SLC5A4: variants seen among roughly 807,000 people sequenced by gnomAD.
SLC5A4 encodes probable glucose sensor protein SLC5A4.
In SLC5A4, 55 loss-of-function variants were observed where a neutral mutation model predicts 70.3. The observed-to-expected ratio is 0.78, with a 90% CI of 0.63 to 0.98. The LOEUF is 0.98. Among genes scored for constraint, SLC5A4 ranks in the 50% least tolerant of loss-of-function variants. SLC5A4 has a pLI of 0.00. For synonymous variants in SLC5A4, 268 were observed against 305.7 expected, an observed-to-expected ratio of 0.88 and a Z score of 1.29; for missense variants, 735 against 839.2, an observed-to-expected ratio of 0.88 and a Z score of 1.53.
At chr22:32,338,805 G>A in the SLC5A4 span, among the ~76,000 whole-genome samples, 31,653 of 152,026 alleles carry the variant, frequency 0.21, 3,732 homozygotes, top group East Asian at 0.48. Flanking sequence ...CCATAAAACT[G>A]TCACCCCCTT....
chr22:32,309,251 G>A, the SLC5A4 span, among the ~76,000 whole-genome samples: 16 of 152,306 alleles, frequency 1.1e-4, no homozygotes, highest in East Asian at 2.3e-3. Context: ...GAGAGGGAAA[G>A]CATAAAACTG....
the SLC5A4 span, among the ~76,000 whole-genome samples, chr22:32,284,514 T>C: frequency 6.6e-6 from 1 of 152,282 alleles, no homozygotes; most frequent in Admixed American, 6.5e-5. Context: ...GGAGCTCAGC[T>C]GGGCCTATCA....
chr22:32,251,221 A>G (rs1398608413), intron 3 of SLC5A4, among the ~76,000 whole-genome samples: 1 of 149,022 alleles, frequency 6.7e-6, no homozygotes, highest in African/African-American at 2.5e-5. Context: ...AAAACCTGGG[A>G]TATGACTTCC....
At chr22:32,319,346 C>T in the SLC5A4 span, among the ~76,000 whole-genome samples, 1 of 151,878 alleles carries the variant, frequency 6.6e-6, no homozygotes, top group Non-Finnish European at 1.5e-5. Flanking sequence ...GGAACTCACA[C>T]CATCAGCTCT....
chr22:32,329,442 T>C, the SLC5A4 span, among the ~76,000 whole-genome samples: 1 of 151,872 alleles, frequency 6.6e-6, no homozygotes. Flanking sequence ...ATTTTTACTT[T>C]GTCTTTAGCA....
the SLC5A4 span, among the ~76,000 whole-genome samples, chr22:32,302,117 A>G: frequency 6.6e-6 from 1 of 152,214 alleles, no homozygotes; most frequent in Non-Finnish European, 1.5e-5. Flanking sequence ...AAGCAACAAT[A>G]TAAAAAATAG....
the SLC5A4 span, among the ~76,000 whole-genome samples, chr22:32,304,937 C>T: frequency 6.6e-6 from 1 of 151,826 alleles, no homozygotes; most frequent in African/African-American, 2.4e-5. Context: ...CGTATTTTTC[C>T]ACGTGAATGT....
At chr22:32,239,565 T>A (rs1569374939) in intron 5 of SLC5A4, among the ~76,000 whole-genome samples, 3 of 21,176 alleles carry the variant, frequency 1.4e-4, no homozygotes, top group African/African-American at 2.6e-4. Flanking sequence ...TATATATATA[T>A]ATATTTATAT....
the SLC5A4 span, chr22:32,327,522 G>A: frequency 1.3e-5 from 2 of 152,450 alleles, no homozygotes; most frequent in South Asian, 4.1e-4. Flanking sequence ...AGGAGCTGAA[G>A]AGAGACCCGA....
chr22:32,319,204 C>A, the SLC5A4 span, among the ~76,000 whole-genome samples: 1 of 152,064 alleles, frequency 6.6e-6, no homozygotes, highest in African/African-American at 2.4e-5. Flanking sequence ...CTCATGCCAT[C>A]AGCTCTCCTG....
the SLC5A4 span, chr22:32,271,743 A>G: frequency 2.0e-4 from 116 of 585,418 alleles, 1 homozygote; most frequent in African/African-American, 1.7e-3. Flanking sequence ...CACAATGTCA[A>G]CTGTCCCCGC....
the SLC5A4 span, among the ~76,000 whole-genome samples, chr22:32,265,682 A>T: frequency 6.6e-6 from 1 of 152,132 alleles, no homozygotes; most frequent in Non-Finnish European, 1.5e-5. Context: ...TCTACTAAAA[A>T]TACAAAAATT....
the SLC5A4 span, among the ~76,000 whole-genome samples, chr22:32,293,096 GTTTA>G: frequency 6.6e-6 from 1 of 152,038 alleles, no homozygotes; most frequent in South Asian, 2.1e-4. Context: ...CAGTTTTTCT[GTTTA>G]TTGTTTGAGT....
chr22:32,289,324 C>A, the SLC5A4 span, among the ~76,000 whole-genome samples: 3 of 152,010 alleles, frequency 2.0e-5, no homozygotes, highest in African/African-American at 7.3e-5. Flanking sequence ...GTGTCCTCAC[C>A]CAAATCTCAC....
the SLC5A4 span, among the ~76,000 whole-genome samples, chr22:32,334,776 C>T: frequency 5.3e-5 from 8 of 152,298 alleles, no homozygotes; most frequent in Non-Finnish European, 7.4e-5. Context: ...ACACACTGAT[C>T]GGGGGACACA....
At chr22:32,232,025 A>C (rs1179393228) in intron 9 of SLC5A4, among the ~76,000 whole-genome samples, 1 of 152,036 alleles carries the variant, frequency 6.6e-6, no homozygotes. Context: ...GGACTACAGA[A>C]CACATCACCA....
At chr22:32,348,721 A>G in the SLC5A4 span, among the ~76,000 whole-genome samples, 1 of 152,186 alleles carries the variant, frequency 6.6e-6, no homozygotes, top group Non-Finnish European at 1.5e-5. Context: ...TTTTCTTGTT[A>G]AAGAACTGAT....
At chr22:32,257,771 T>C (rs942340649), upstream of SLC5A4, among the ~76,000 whole-genome samples, 1 of 151,870 alleles carries the variant, frequency 6.6e-6, no homozygotes, top group Admixed American at 6.6e-5. Context: ...GTTCAAGCGA[T>C]TCTCCTGCCT....
chr22:32,263,045 GGCATGAGCCACCGTGC>G, the SLC5A4 span, among the ~76,000 whole-genome samples: 1 of 150,210 alleles, frequency 6.7e-6, no homozygotes, highest in East Asian at 1.9e-4. Context: ...TGGGATTACA[GGCATGAGCCACCGTGC>G]CCGGCCCTAC....
Sources: gnomAD v4.1 joint callset for allele counts (sites outside exome capture counted in the v4.1 genomes callset) on GRCh38, gnomAD v4.1.1 for gene constraint, MANE v1.5 for transcripts, NCBI Gene and HGNC (gene_info 2026-07-23, HGNC 2026-07-21) for gene names.